PHLDB2: variants seen among roughly 807,000 people sequenced by gnomAD.
PHLDB2 encodes pleckstrin homology-like domain family B member 2.
In PHLDB2, 71 loss-of-function variants were observed where a neutral mutation model predicts 123.6. The ratio of observed to expected loss-of-function variants is 0.57; its 90% CI spans 0.47 to 0.70. PHLDB2 has a LOEUF of 0.70. Ranked by LOEUF, PHLDB2 falls within the 30% of genes least tolerant of loss-of-function variation. The probability of loss-of-function intolerance (pLI) is 0.00; values close to 1 mark genes in which losing one functional copy is unlikely to be tolerated. For synonymous variants in PHLDB2, 547 were observed against 541.6 expected, an observed-to-expected ratio of 1.01 and a Z score of -0.14; for missense variants, 1,446 against 1,519.5, an observed-to-expected ratio of 0.95 and a Z score of 0.80.
intron 1 of PHLDB2, among the ~76,000 whole-genome samples, chr3:111,822,307 G>C (rs1460785960): frequency 6.7e-6 from 1 of 149,768 alleles, no homozygotes; most frequent in Non-Finnish European, 1.5e-5. Context: ...GTGTGTGTGT[G>C]TGTGTGTGTG....
At chr3:111,755,305 A>T (rs1156987650) in intron 1 of PHLDB2, among the ~76,000 whole-genome samples, 15 of 145,420 alleles carry the variant, frequency 1.0e-4, no homozygotes, top group Non-Finnish European at 1.4e-4. Context: ...TTGGTAAGCT[A>T]TTGATTAGTG....
intron 5 of PHLDB2, among the ~76,000 whole-genome samples, chr3:111,921,460 G>A (rs895195851): frequency 6.6e-6 from 1 of 151,992 alleles, no homozygotes; most frequent in African/African-American, 2.4e-5. Flanking sequence ...TTTGATCTTG[G>A]TGCCAGAGAA....
At chr3:111,865,794 AAAATT>A (rs1429884755) in intron 1 of PHLDB2, among the ~76,000 whole-genome samples, 4 of 152,164 alleles carry the variant, frequency 2.6e-5, no homozygotes, top group South Asian at 4.1e-4. Flanking sequence ...AGCATTGATT[AAAATT>A]AAATTAAACT....
chr3:111,964,381 C>T (rs1009758611), intron 13 of PHLDB2, among the ~76,000 whole-genome samples: 1 of 151,998 alleles, frequency 6.6e-6, no homozygotes, highest in African/African-American at 2.4e-5. Context: ...ACTGTGTTGC[C>T]CAGGCTGGTG....
At chr3:111,939,355 C>T in intron 6 of PHLDB2, 120 bp from the exon 7 acceptor site, 1 of 1,021,312 alleles carries the variant, frequency 9.8e-7, no homozygotes, top group Non-Finnish European at 1.4e-6. Flanking sequence ...TGTTCTAACC[C>T]TGGTCAATAT....
Position 111,953,910 on chromosome 3 carries a change from C to T in PHLDB2, c.2773-20C>T, listed in dbSNP as rs200702539. The T allele has an allele frequency of 1.9e-4, 297 of 1,602,624 alleles. 2 individuals are homozygous for T. In the African/African-American group the frequency reaches 3.3e-3, roughly 18 times the overall value. ...TTCAGCCTGCAGCTTGCCTGAAGTA[C>T]TCCCTCCTGCTTCCCGCAGGCCCAT... On this transcript the variant is annotated intron_variant, in intron 11 of 17. Transcript: ENST00000431670.
intron 1 of PHLDB2, among the ~76,000 whole-genome samples, chr3:111,829,937 C>A (rs1348170350): frequency 9.4e-6 from 1 of 106,386 alleles, no homozygotes; most frequent in Admixed American, 9.3e-5. Flanking sequence ...AACACACACA[C>A]ACACACACAC....
At chr3:111,954,243 G>A (rs541597907) in intron 12 of PHLDB2, among the ~76,000 whole-genome samples, 6 of 152,210 alleles carry the variant, frequency 3.9e-5, no homozygotes, top group Admixed American at 2.0e-4. Context: ...GTACTTTATA[G>A]ATTTGATAGA....
intron 16 of PHLDB2, among the ~76,000 whole-genome samples, chr3:111,971,477 A>T (rs1212322333): frequency 6.6e-6 from 1 of 152,138 alleles, no homozygotes; most frequent in Non-Finnish European, 1.5e-5. Flanking sequence ...GGTATATGAA[A>T]AATTACCCAG....
intron 8 of PHLDB2, among the ~76,000 whole-genome samples, chr3:111,944,274 G>T (rs1453204570): frequency 1.3e-5 from 2 of 152,108 alleles, no homozygotes; most frequent in African/African-American, 2.4e-5. Context: ...AATGATTGGG[G>T]TGACAGAAAT....
chr3:111,939,627 A>G lies in PHLDB2; in HGVS notation c.2283A>G (p.Arg761=). Residue 761 remains arginine, a synonymous_variant, in exon 7 of 18, where the codon AGA becomes AGG. Transcript: ENST00000431670. ...AATATCAACGGAACATCGTTTCTAG[A>G]AAGGTACTTTTTCCAGGTGTCATTC... is the stretch of plus-strand genomic sequence containing the variant. ...VAEYQRNIVS[R]KEKISALKKQ... is the part of the protein sequence containing the mutation. 6.2e-7 allele frequency: 1 copy of G among 1,606,600 alleles called. No individual in the cohort carries two copies. Among genetic ancestry groups the G allele is most frequent in the Non-Finnish European group, 8.5e-7 (1 of 1,178,134 alleles).
upstream of PHLDB2, chr3:111,859,154 T>C: frequency 2.0e-6 from 2 of 984,048 alleles, no homozygotes; most frequent in Non-Finnish European, 1.2e-6. Flanking sequence ...TGCGGTCACC[T>C]GGAGTTTCCC....
At chr3:111,759,309 C>T (rs1419069787) in intron 1 of PHLDB2, among the ~76,000 whole-genome samples, 1 of 152,156 alleles carries the variant, frequency 6.6e-6, no homozygotes, top group Non-Finnish European at 1.5e-5. Flanking sequence ...GGTGCCTTCT[C>T]ACTGTGTCCT....
intron 6 of PHLDB2, 41 bp downstream of exon 6, chr3:111,932,438 G>C (rs754914): frequency 6.6e-7 from 1 of 1,519,408 alleles, no homozygotes; most frequent in Non-Finnish European, 8.9e-7. Context: ...TTTGCTTTTC[G>C]TTTTTGTTTT....
intron 3 of PHLDB2, chr3:111,915,832 A>G (rs1359172988): frequency 2.0e-5 from 3 of 152,290 alleles, no homozygotes; most frequent in African/African-American, 4.8e-5. Context: ...AGTTGCAATG[A>G]TTAGAAACCA....
At chr3:111,841,889 C>T (rs1021852415) in intron 1 of PHLDB2, among the ~76,000 whole-genome samples, 6 of 152,102 alleles carry the variant, frequency 3.9e-5, no homozygotes. Context: ...AAGATGTTGG[C>T]ATTTGTGCGG....
chr3:111,796,795 G>A (rs2061181419), intron 1 of PHLDB2, among the ~76,000 whole-genome samples: 1 of 152,182 alleles, frequency 6.6e-6, no homozygotes, highest in Non-Finnish European at 1.5e-5. Context: ...TTACAAGCAT[G>A]AGCCACTGTG....
intron 2 of PHLDB2, among the ~76,000 whole-genome samples, chr3:111,893,888 T>G (rs1270935038): frequency 6.7e-6 from 1 of 148,750 alleles, no homozygotes; most frequent in Non-Finnish European, 1.5e-5. Flanking sequence ...TTTTTTTTTT[T>G]TTTGGATTTA....
At chr3:111,781,124 T>A (rs1159594917) in intron 1 of PHLDB2, among the ~76,000 whole-genome samples, 1 of 152,112 alleles carries the variant, frequency 6.6e-6, no homozygotes, top group African/African-American at 2.4e-5. Context: ...TATTTCAAGT[T>A]GACCTCATTA....
Sources: gnomAD v4.1 joint callset for allele counts (sites outside exome capture counted in the v4.1 genomes callset) on GRCh38, gnomAD v4.1.1 for gene constraint, MANE v1.5 for transcripts, NCBI Gene and HGNC (gene_info 2026-07-23, HGNC 2026-07-21) for gene names.